Variants in KDM5A observed in about 807,000 individuals in gnomAD.
KDM5A encodes lysine demethylase 5A, also known as lysine-specific demethylase 5A.
Under a neutral mutation model 193.5 loss-of-function variants are expected in KDM5A, and 42 were observed. The ratio of observed to expected loss-of-function variants is 0.22; its 90% CI spans 0.17 to 0.28. KDM5A has a LOEUF of 0.28. Among genes scored for constraint, KDM5A ranks in the 10% least tolerant of loss-of-function variants. KDM5A has a pLI of 1.00. For synonymous variants in KDM5A, 796 were observed against 718.1 expected, an observed-to-expected ratio of 1.11 and a Z score of -1.73; for missense variants, 1,692 against 2,055.1, an observed-to-expected ratio of 0.82 and a Z score of 3.42.
Position 295,770 on chromosome 12 carries a change from G to A in KDM5A, c.4258C>T (p.Pro1420Ser). 1 of 1,614,050 alleles carries A rather than the reference G, an allele frequency of 6.2e-7. No homozygotes were observed. Among genetic ancestry groups the A allele is most frequent in the Non-Finnish European group, 8.5e-7 (1 of 1,179,984 alleles). The part of the protein sequence containing the change: ...SQGSSTPRKQ[P>S]RKSPLVPRSL... ...CGGGGCACCAAAGGGCTCTTCCGAG[G>A]TTGTTTCCTTGGGGTGCTAGAACCT... is the stretch of plus-strand genomic sequence containing the variant. The change falls in exon 26 of 28, where the codon CCT becomes TCT. Residue 1420 changes from proline to serine, a missense_variant. Pro to Ser is a moderately conservative substitution (Grantham distance 74). Coordinates refer to ENST00000399788, the MANE Select transcript of KDM5A (RefSeq NM_001042603.3).
At chr12:322,631 C>G in intron 16 of KDM5A, 64 bp from the exon 17 acceptor site, 1 of 1,391,772 alleles carries the variant, frequency 7.2e-7, no homozygotes, top group Non-Finnish European at 1.0e-6. Flanking sequence ...ATTCTAAAAT[C>G]TTCACCAACC....
In KDM5A at chr12:384,135, A is replaced by G. The variant is rs781601677; in HGVS notation, c.262T>C (p.Leu88=). The change falls in exon 3 of 28, where the codon TTG becomes CTG. Residue 88 remains leucine, a synonymous_variant. Transcript: ENST00000399788. ...NELEAMTRVR[L]DFLDQLAKFW... ...TTTGCTAGTTGATCCAAGAAATCCAATCTCACTCTGGTCATTGCCTAAGAT... is the reference window on the plus strand; with the variant it reads ...TTTGCTAGTTGATCCAAGAAATCCAGTCTCACTCTGGTCATTGCCTAAGAT... 3 of 1,595,336 alleles carry G rather than the reference A, an allele frequency of 1.9e-6. No individual in the cohort carries two copies. The highest frequency in any genetic ancestry group is 2.6e-6 in the Non-Finnish European group (3 of 1,162,874).
intron 3 of KDM5A, among the ~76,000 whole-genome samples, chr12:376,665 C>T (rs957725854): frequency 6.6e-6 from 1 of 152,216 alleles, no homozygotes; most frequent in Non-Finnish European, 1.5e-5. Context: ...CCGTCTTCTG[C>T]GTCGCTCACG....
intron 24 of KDM5A, among the ~76,000 whole-genome samples, chr12:299,552 A>G (rs1401260137): frequency 1.3e-5 from 2 of 152,212 alleles, no homozygotes; most frequent in Non-Finnish European, 1.5e-5. Flanking sequence ...AGAAAGCACT[A>G]AACATGGAAA....
rs1943143177 is a variant in KDM5A at position 280,382 on chromosome 12, C to T, written c.*5074G>A. 1 of 232,808 alleles carries T rather than the reference C, an allele frequency of 4.3e-6. No homozygotes were observed. The highest frequency in any genetic ancestry group is 5.6e-5 in the Admixed American group (1 of 17,752). 14.4% of individuals were successfully genotyped at this position (232,808 alleles called of 1,614,324 possible). A position where few individuals can be genotyped will look rare whatever the true frequency, so the allele number is the denominator to read the frequency against. On this transcript the variant is annotated 3_prime_UTR_variant, in exon 28 of 28. Coordinates refer to ENST00000399788, the MANE Select transcript of KDM5A (RefSeq NM_001042603.3). ...ATTTTTTTTTTTAATGGACTTGCCA[C>T]CTTAAGAAACTTCAAGTGTATCTTT... is the stretch of plus-strand genomic sequence containing the variant.
At chr12:350,842 A>T in intron 9 of KDM5A, 63 bp from the exon 10 acceptor site, 1 of 1,402,638 alleles carries the variant, frequency 7.1e-7, no homozygotes, top group East Asian at 2.3e-5. Flanking sequence ...CATATAACAT[A>T]ATACACAGGA....
At chr12:330,085 GTATA>G (rs1555132314) in intron 13 of KDM5A, among the ~76,000 whole-genome samples, 1 of 139,322 alleles carries the variant, frequency 7.2e-6, no homozygotes, top group African/African-American at 2.7e-5. Context: ...GTGTGTGTGT[GTATA>G]TATATATATC....
chr12:388,882 C>A lies in KDM5A; in HGVS notation c.165+45G>T, dbSNP rs2137507342. The A allele has an allele frequency of 2.5e-6, 4 of 1,597,856 alleles. No individual in the cohort carries two copies. In the Middle Eastern group the frequency reaches 5.0e-4, roughly 201 times the overall value. On this transcript the variant is annotated intron_variant, in intron 1 of 27. Coordinates refer to ENST00000399788, the MANE Select transcript of KDM5A (RefSeq NM_001042603.3). ...TAAAGCTAAACCCAGTGTACGGACTCCCCCATTCTTCCTTCTCCCCCTCTC... is the reference window on the plus strand; with the variant it reads ...TAAAGCTAAACCCAGTGTACGGACTACCCCATTCTTCCTTCTCCCCCTCTC...
chr12:371,951 G>A (rs556908119), intron 3 of KDM5A, among the ~76,000 whole-genome samples: 12 of 152,232 alleles, frequency 7.9e-5, no homozygotes, highest in African/African-American at 2.9e-4. Context: ...CTGTTCCATT[G>A]GTCTCTATCT....
chr12:338,895 T>A (rs904093240), intron 10 of KDM5A, among the ~76,000 whole-genome samples: 4 of 152,040 alleles, frequency 2.6e-5, no homozygotes, highest in Non-Finnish European at 5.9e-5. Flanking sequence ...AAGACACAAC[T>A]TCCGGCAGGC....
Position 388,951 on chromosome 12 carries a change from G to T in KDM5A, c.141C>A (p.Gly47=). The change falls in exon 1 of 28, where the codon GGC becomes GGA. Residue 47 remains glycine, a synonymous_variant. Coordinates refer to ENST00000399788, the MANE Select transcript of KDM5A (RefSeq NM_001042603.3). ...CCTTGGGCGGCCGAATTTTGCAGAT[G>T]CCGGTTTTCTCCGCCAAAGGCCGGA... ...GRIRPLAEKT[G]ICKIRPPKDW... 5 of 1,614,242 alleles carry T rather than the reference G, an allele frequency of 3.1e-6. No individual in the cohort carries two copies. Among genetic ancestry groups the T allele is most frequent in the Non-Finnish European group, 3.4e-6 (4 of 1,180,050 alleles).
chr12:304,127 C>A (rs1246362977), intron 24 of KDM5A, among the ~76,000 whole-genome samples: 2 of 152,164 alleles, frequency 1.3e-5, no homozygotes, highest in African/African-American at 4.8e-5. Context: ...TACATAGACA[C>A]AATCCCAAAA....
chr12:359,032 C>T (rs913462551), intron 5 of KDM5A, among the ~76,000 whole-genome samples: 5 of 151,434 alleles, frequency 3.3e-5, no homozygotes, highest in Non-Finnish European at 7.4e-5. Context: ...TATTAGATCT[C>T]TAGAACAAAT....
intron 3 of KDM5A, among the ~76,000 whole-genome samples, chr12:378,730 G>A (rs1481098965): frequency 3.9e-5 from 6 of 152,178 alleles, no homozygotes; most frequent in Admixed American, 3.3e-4. Flanking sequence ...AGGCCAAGGC[G>A]GGCGGATCAC....
chr12:354,452 T>C (rs1410888535), intron 7 of KDM5A, among the ~76,000 whole-genome samples: 1 of 152,096 alleles, frequency 6.6e-6, no homozygotes, highest in East Asian at 1.9e-4. Context: ...AGCAAGTTAA[T>C]AAAGGTGTAT....
At chr12:350,228 G>A (rs1018426710) in intron 10 of KDM5A, among the ~76,000 whole-genome samples, 1 of 152,094 alleles carries the variant, frequency 6.6e-6, no homozygotes, top group Non-Finnish European at 1.5e-5. Context: ...CCTGAGGTCA[G>A]GAGTTCAAGA....
intron 11 of KDM5A, among the ~76,000 whole-genome samples, 186 bp from the exon 12 acceptor site, chr12:333,835 T>C (rs957966301): frequency 2.0e-5 from 3 of 152,154 alleles, no homozygotes; most frequent in Non-Finnish European, 2.9e-5. Flanking sequence ...TAAATAGTAG[T>C]ATGTATAGGC....
Position 384,018 on chromosome 12 carries a change from G to A in KDM5A, c.366+13C>T, listed in dbSNP as rs1944609870. On this transcript the variant is annotated intron_variant, in intron 3 of 27. Transcript: ENST00000399788. ...AGCCTGTGCTCTAATTTCTAAACCAGTATGAGCCTCACCTTGCTCAAAGCA... is the reference window on the plus strand; with the variant it reads ...AGCCTGTGCTCTAATTTCTAAACCAATATGAGCCTCACCTTGCTCAAAGCA... The A allele has an allele frequency of 1.2e-6, 2 of 1,612,852 alleles. No homozygotes were observed. Among genetic ancestry groups the A allele is most frequent in the African/African-American group, 2.7e-5 (2 of 74,868 alleles).
At chr12:300,746 G>T (rs889811102) in intron 24 of KDM5A, among the ~76,000 whole-genome samples, 7 of 152,128 alleles carry the variant, frequency 4.6e-5, no homozygotes, top group Admixed American at 1.3e-4. Flanking sequence ...CCAGGAGCTG[G>T]TTTTTTGAAA....
Sources: gnomAD v4.1 joint callset for allele counts (sites outside exome capture counted in the v4.1 genomes callset) on GRCh38, gnomAD v4.1.1 for gene constraint, MANE v1.5 for transcripts, NCBI Gene and HGNC (gene_info 2026-07-23, HGNC 2026-07-21) for gene names.